The following PBX3 variants were observed in gnomAD, a reference collection of about 807,000 sequenced individuals.
PBX3 encodes pre-B-cell leukemia transcription factor 3.
PBX3 carries 14 observed loss-of-function variants against 48.5 expected under a neutral mutation model. The observed-to-expected ratio is 0.29, with a 90% CI of 0.19 to 0.45. The LOEUF (loss-of-function observed/expected upper bound fraction) is 0.45. Ranked by LOEUF, PBX3 falls within the 20% of genes least tolerant of loss-of-function variation. PBX3 has a pLI of 1.00. For missense variants in PBX3, 386 were observed against 546.7 expected, an observed-to-expected ratio of 0.71 and a Z score of 2.93; for synonymous variants, 210 against 200.3, an observed-to-expected ratio of 1.05 and a Z score of -0.41.
At chr9:125,952,498 G>T (rs1842215522) in intron 5 of PBX3, among the ~76,000 whole-genome samples, 1 of 152,230 alleles carries the variant, frequency 6.6e-6, no homozygotes, top group African/African-American at 2.4e-5. Flanking sequence ...GGCTTTCAGT[G>T]ACTGTAGAGA....
At chr9:125,949,468 A>G (rs2118756291) in intron 5 of PBX3, 1 of 1,550,492 alleles carries the variant, frequency 6.4e-7, no homozygotes, top group South Asian at 1.2e-5. Context: ...CCCTGAAGGT[A>G]TGAGCCAGGG....
intron 2 of PBX3, among the ~76,000 whole-genome samples, chr9:125,756,348 G>A (rs1347715049): frequency 6.6e-6 from 1 of 152,058 alleles, no homozygotes; most frequent in Non-Finnish European, 1.5e-5. Flanking sequence ...CTTATATTCT[G>A]GGGAGAAATA....
chr9:125,765,485 C>A (rs1270358482), intron 2 of PBX3, among the ~76,000 whole-genome samples: 1 of 152,074 alleles, frequency 6.6e-6, no homozygotes, highest in East Asian at 1.9e-4. Flanking sequence ...AAACAATACA[C>A]CCTCCTGATA....
intron 2 of PBX3, among the ~76,000 whole-genome samples, chr9:125,850,925 A>T (rs1839559934): frequency 6.6e-6 from 1 of 152,102 alleles, no homozygotes; most frequent in Admixed American, 6.6e-5. Context: ...TGAAAAAATC[A>T]ATAGGAAGGT....
chr9:125,757,416 G>A (rs1160859841), intron 2 of PBX3, among the ~76,000 whole-genome samples: 1 of 152,032 alleles, frequency 6.6e-6, no homozygotes, highest in East Asian at 1.9e-4. Flanking sequence ...CCAACTGACA[G>A]CCATCCATGT....
intron 2 of PBX3, among the ~76,000 whole-genome samples, chr9:125,911,396 G>A (rs759255548): frequency 1.3e-5 from 2 of 152,088 alleles, no homozygotes; most frequent in Non-Finnish European, 2.9e-5. Context: ...AATGAAGAAA[G>A]CACAGAAAAT....
chr9:125,927,096 A>G (rs1425241367), intron 3 of PBX3, among the ~76,000 whole-genome samples: 1 of 152,236 alleles, frequency 6.6e-6, no homozygotes, highest in African/African-American at 2.4e-5. Context: ...TTGACCTTCT[A>G]AACCTATCCA....
intron 5 of PBX3, chr9:125,949,256 G>A: frequency 8.0e-7 from 1 of 1,246,664 alleles, no homozygotes; most frequent in Non-Finnish European, 1.1e-6. Flanking sequence ...TTTGCTCAGG[G>A]GATTCAGGGG....
intron 2 of PBX3, among the ~76,000 whole-genome samples, chr9:125,875,626 C>G (rs996687175): frequency 6.6e-6 from 1 of 152,036 alleles, no homozygotes; most frequent in Non-Finnish European, 1.5e-5. Context: ...ATTCTTGGTT[C>G]TAGTTCTTGG....
At chr9:125,876,994 G>C (rs920696360) in intron 2 of PBX3, among the ~76,000 whole-genome samples, 1 of 151,788 alleles carries the variant, frequency 6.6e-6, no homozygotes, top group African/African-American at 2.4e-5. Context: ...GGCTGGTCTC[G>C]AACTCCTGAC....
intron 2 of PBX3, among the ~76,000 whole-genome samples, chr9:125,846,315 T>C (rs1261591827): frequency 3.3e-5 from 5 of 152,076 alleles, no homozygotes; most frequent in Admixed American, 3.3e-4. Context: ...ATATGGTTGC[T>C]GGGAGTTAAG....
chr9:125,845,954 G>A (rs1165424488), intron 2 of PBX3, among the ~76,000 whole-genome samples: 2 of 152,014 alleles, frequency 1.3e-5, no homozygotes, highest in Non-Finnish European at 2.9e-5. Flanking sequence ...TTGCATTTAT[G>A]CAATAGGCCT....
At chr9:125,922,824 G>A (rs1189109193) in intron 3 of PBX3, among the ~76,000 whole-genome samples, 1 of 152,088 alleles carries the variant, frequency 6.6e-6, no homozygotes, top group Non-Finnish European at 1.5e-5. Context: ...AAATGAGGCT[G>A]TAATTTACTT....
chr9:125,854,036 A>T (rs1839654431), intron 2 of PBX3, among the ~76,000 whole-genome samples: 1 of 152,184 alleles, frequency 6.6e-6, no homozygotes, highest in Non-Finnish European at 1.5e-5. Context: ...ACACATACAC[A>T]TGCACAACAT....
chr9:125,818,879 A>G (rs1191147578), intron 2 of PBX3, among the ~76,000 whole-genome samples: 3 of 152,100 alleles, frequency 2.0e-5, no homozygotes, highest in African/African-American at 7.2e-5. Context: ...TCTGTTGCCC[A>G]GGCTGGAGTG....
chr9:125,891,351 A>G (rs1471410872), intron 2 of PBX3, among the ~76,000 whole-genome samples: 2 of 152,234 alleles, frequency 1.3e-5, no homozygotes, highest in African/African-American at 4.8e-5. Context: ...TCTAAAATGA[A>G]TGCCAAATCA....
At chr9:125,924,658 A>G (rs1318600640) in intron 3 of PBX3, among the ~76,000 whole-genome samples, 1 of 152,224 alleles carries the variant, frequency 6.6e-6, no homozygotes, top group Non-Finnish European at 1.5e-5. Flanking sequence ...TGAATTATGC[A>G]TATCTTCCAA....
At chr9:125,848,275 G>T (rs775150916) in intron 2 of PBX3, among the ~76,000 whole-genome samples, 8 of 152,014 alleles carry the variant, frequency 5.3e-5, no homozygotes, top group Non-Finnish European at 8.8e-5. Flanking sequence ...TCAAGGTATA[G>T]TCTCTTGATT....
chr9:125,854,517 C>G (rs1256036572), intron 2 of PBX3, among the ~76,000 whole-genome samples: 2 of 152,106 alleles, frequency 1.3e-5, no homozygotes, highest in Non-Finnish European at 1.5e-5. Flanking sequence ...ATTGTATTTG[C>G]AGAATTGTTA....
Sources: gnomAD v4.1 joint callset for allele counts (sites outside exome capture counted in the v4.1 genomes callset) on GRCh38, gnomAD v4.1.1 for gene constraint, MANE v1.5 for transcripts, NCBI Gene and HGNC (gene_info 2026-07-23, HGNC 2026-07-21) for gene names.